The following RNGTT variants were observed in gnomAD, a reference collection of about 807,000 sequenced individuals.
RNGTT encodes the protein mRNA-capping enzyme.
RNGTT carries 33 observed loss-of-function variants against 79.3 expected under a neutral mutation model. The observed-to-expected ratio is 0.42, with a 90% CI of 0.32 to 0.56. The LOEUF (loss-of-function observed/expected upper bound fraction) is 0.56. Ranked by LOEUF, RNGTT falls within the 20% of genes least tolerant of loss-of-function variation. The probability of loss-of-function intolerance (pLI) is 0.17; values close to 1 mark genes in which losing one functional copy is unlikely to be tolerated. For missense variants in RNGTT, 497 were observed against 739.1 expected (o/e 0.67, Z 3.80); for synonymous variants, 222 against 235.9 (o/e 0.94, Z 0.54).
chr6:88,694,749 C>T (rs552263705), intron 13 of RNGTT, among the ~76,000 whole-genome samples: 7 of 151,968 alleles, frequency 4.6e-5, no homozygotes, highest in Non-Finnish European at 8.8e-5. Context: ...AAAATAGATA[C>T]GCTGACCAAT....
chr6:88,829,721 A>AAAAACAAAC (rs1554221603), intron 11 of RNGTT, among the ~76,000 whole-genome samples: 1 of 115,582 alleles, frequency 8.7e-6, no homozygotes, highest in African/African-American at 3.1e-5. Flanking sequence ...AAAAAAAAAA[A>AAAAACAAAC]AAACCAGGGG....
intron 8 of RNGTT, among the ~76,000 whole-genome samples, chr6:88,889,901 C>G (rs2127933913): frequency 6.6e-6 from 1 of 152,228 alleles, no homozygotes; most frequent in African/African-American, 2.4e-5. Flanking sequence ...ATTACTCGAG[C>G]CCAGGAGTTC....
rs1036589364 is a variant in RNGTT, at chr6:88,691,937, C to T, written c.1440-13518G>A. On this transcript the variant is annotated intron_variant, in intron 13 of 15. Transcript: ENST00000369485. ...CCAGGAAACCCTGAAGTCATTCATC[C>T]CTTTCTTAGTAAAGAACTGCATAAA... Among the ~76,000 whole-genome samples the T allele has an allele frequency of 2.0e-5, 3 of 151,972 alleles. No homozygotes were observed. The East Asian group carries it at 5.8e-4, about 29-fold the overall frequency.
intron 14 of RNGTT, among the ~76,000 whole-genome samples, chr6:88,637,892 TAAG>T (rs1426307163): frequency 6.6e-6 from 1 of 152,160 alleles, no homozygotes; most frequent in Non-Finnish European, 1.5e-5. Flanking sequence ...AAAGTAATTC[TAAG>T]AAGTGCATAT....
At chr6:88,813,994 C>T (rs555903949) in intron 11 of RNGTT, among the ~76,000 whole-genome samples, 1 of 151,934 alleles carries the variant, frequency 6.6e-6, no homozygotes, top group South Asian at 2.1e-4. Flanking sequence ...TAACACAGTG[C>T]AAGAATCTAT....
At chr6:88,743,441 GT>G (rs1777561258) in intron 13 of RNGTT, among the ~76,000 whole-genome samples, 1 of 151,934 alleles carries the variant, frequency 6.6e-6, no homozygotes, top group African/African-American at 2.4e-5. Flanking sequence ...GTTTTGTTTT[GT>G]TTTGTTTTGT....
At chr6:88,957,775 TAATCAATACTATG>T (rs1392011041) in intron 1 of RNGTT, among the ~76,000 whole-genome samples, 7 of 152,176 alleles carry the variant, frequency 4.6e-5, no homozygotes, top group Non-Finnish European at 1.0e-4. Context: ...TAGATGGGTA[TAATCAATACTATG>T]AAAATGATCA....
At chr6:88,826,378 G>A (rs960439861) in intron 11 of RNGTT, among the ~76,000 whole-genome samples, 16 of 152,088 alleles carry the variant, frequency 1.1e-4, no homozygotes, top group African/African-American at 3.9e-4. Flanking sequence ...CGAGTTTAAC[G>A]GCTTCACTGA....
rs1341413388 is a variant in RNGTT at position 88,761,016 on chromosome 6, AATAC to A, written c.1439+8754_1439+8757del. ...TTTTTTAATGAATTGAAGCAAAAGAAATACACACACACACACACACACACACACA... is the reference window on the plus strand; with the variant it reads ...TTTTTTAATGAATTGAAGCAAAAGAAACACACACACACACACACACACACA... On this transcript the variant is annotated intron_variant, in intron 13 of 15. Transcript: ENST00000369485. 2.5e-3 allele frequency among the ~76,000 whole-genome samples: 234 copies of A among 94,438 alleles called. 1 individual carries two copies. The highest frequency in any genetic ancestry group is 0.013 in the South Asian group (37 of 2,774). The allele number at this position is 94,438 out of a possible 152,430, so 62.0% of individuals were successfully genotyped here. A position where few individuals can be genotyped will look rare whatever the true frequency, so the allele number is the denominator to read the frequency against.
chr6:88,890,442 T>A, intron 8 of RNGTT, 53 bp downstream of exon 8: 1 of 1,105,322 alleles, frequency 9.0e-7, no homozygotes, highest in Non-Finnish European at 1.4e-6. Flanking sequence ...AATAAAACAA[T>A]ATTCTTCAAG....
In RNGTT at chr6:88,709,956, T is replaced by C. The variant is rs551233244; in HGVS notation, c.1440-31537A>G. ...GCTAGAAACTGTAAGTAGTGTATTG[T>C]TTGTATATAAACAAATGCAATTGAA... On this transcript the variant is annotated intron_variant, in intron 13 of 15. Transcript: ENST00000369485. Among the ~76,000 whole-genome samples the C allele has an allele frequency of 3.3e-5, 5 of 152,360 alleles. No individual in the cohort carries two copies. The South Asian group carries it at 6.2e-4, about 19-fold the overall frequency.
At chr6:88,667,872 G>A (rs962502892) in intron 14 of RNGTT, among the ~76,000 whole-genome samples, 1 of 152,178 alleles carries the variant, frequency 6.6e-6, no homozygotes, top group Non-Finnish European at 1.5e-5. Context: ...TAGGGAAAGT[G>A]TGTCAAGAAA....
chr6:88,912,425 T>C (rs534362890), intron 4 of RNGTT, among the ~76,000 whole-genome samples: 1 of 151,280 alleles, frequency 6.6e-6, no homozygotes, highest in Admixed American at 6.6e-5. Context: ...TAAAAAGAAA[T>C]GAAAAGAAGA....
intron 11 of RNGTT, among the ~76,000 whole-genome samples, chr6:88,831,026 C>A (rs1394086701): frequency 6.6e-6 from 1 of 152,148 alleles, no homozygotes; most frequent in African/African-American, 2.4e-5. Flanking sequence ...GGAGCTGGTA[C>A]CATTCCTTCT....
At chr6:88,681,641 G>A (rs146667905) in intron 13 of RNGTT, among the ~76,000 whole-genome samples, 7 of 152,044 alleles carry the variant, frequency 4.6e-5, no homozygotes, top group East Asian at 3.9e-4. Context: ...CATCATGCAC[G>A]GTGCTTATAT....
chr6:88,673,058 A>G (rs1326396721), intron 14 of RNGTT, among the ~76,000 whole-genome samples: 3 of 152,170 alleles, frequency 2.0e-5, no homozygotes, highest in Non-Finnish European at 4.4e-5. Context: ...TCTGACCTTT[A>G]TAAAATGGAG....
Position 88,617,435 on chromosome 6 carries a change from A to G in RNGTT, c.1507-3040T>C, listed in dbSNP as rs985903768. On this transcript the variant is annotated intron_variant, in intron 14 of 15. Coordinates refer to ENST00000369485, the MANE Select transcript of RNGTT (RefSeq NM_003800.5). Reference sequence around the variant, plus strand: ...TTTCCCAACACTGTTAGTTGAAGATATTGATTGTCCCTTCCCATTGTGTAG... The same window carrying G: ...TTTCCCAACACTGTTAGTTGAAGATGTTGATTGTCCCTTCCCATTGTGTAG... 6.6e-5 allele frequency among the ~76,000 whole-genome samples: 10 copies of G among 152,306 alleles called. No individual in the cohort carries two copies. The South Asian group carries it at 1.2e-3, about 19-fold the overall frequency.
chr6:88,702,382 G>A (rs958309502), intron 13 of RNGTT, among the ~76,000 whole-genome samples: 4 of 152,006 alleles, frequency 2.6e-5, no homozygotes, highest in Non-Finnish European at 4.4e-5. Context: ...TGGTGAAACA[G>A]AATAGAAAAC....
At chr6:88,796,380 A>G (rs1050786334) in intron 12 of RNGTT, among the ~76,000 whole-genome samples, 5 of 152,328 alleles carry the variant, frequency 3.3e-5, no homozygotes, top group African/African-American at 1.2e-4. Flanking sequence ...GTAGACTGGA[A>G]AGATAATACA....
Sources: gnomAD v4.1 joint callset for allele counts (sites outside exome capture counted in the v4.1 genomes callset) on GRCh38, gnomAD v4.1.1 for gene constraint, MANE v1.5 for transcripts, NCBI Gene and HGNC (gene_info 2026-07-23, HGNC 2026-07-21) for gene names.